The following EHD2 variants were observed in gnomAD, a reference collection of about 807,000 sequenced individuals.
EHD2 encodes EH domain containing 2.
Under a neutral mutation model 41.0 loss-of-function variants are expected in EHD2, and 27 were observed. The ratio of observed to expected loss-of-function variants is 0.66; its 90% CI spans 0.49 to 0.91. The LOEUF (loss-of-function observed/expected upper bound fraction) is 0.91, where lower values mean the gene tolerates loss of function less well. Among genes scored for constraint, EHD2 ranks in the 40% least tolerant of loss-of-function variants. The pLI is 0.00. For missense variants in EHD2, 673 were observed against 773.9 expected, an observed-to-expected ratio of 0.87 and a Z score of 1.55; for synonymous variants, 342 against 341.0, an observed-to-expected ratio of 1.00 and a Z score of -0.03.
chr19:47,731,891 C>G (rs1966879960), intron 4 of EHD2, among the ~76,000 whole-genome samples: 1 of 149,814 alleles, frequency 6.7e-6, no homozygotes, highest in Non-Finnish European at 1.5e-5. Context: ...GGGTTCACGC[C>G]ATTCTCCTGC....
Position 47,741,354 on chromosome 19 carries a change from A to T in EHD2, c.1554A>T (p.Glu518Asp). The T allele has an allele frequency of 1.9e-6, 3 of 1,610,384 alleles. No homozygotes were observed. Among genetic ancestry groups the T allele is most frequent in the Non-Finnish European group, 2.5e-6 (3 of 1,179,666 alleles). The part of the protein sequence containing the change: ...LASHLIEAKL[E>D]GHGLPANLPR... Reference sequence around the variant, plus strand: ...GCCACCTCATCGAGGCCAAGCTGGAAGGCCACGGGCTGCCCGCCAACCTGC... The same window carrying T: ...GCCACCTCATCGAGGCCAAGCTGGATGGCCACGGGCTGCCCGCCAACCTGC... Residue 518 changes from glutamate to aspartate, a missense_variant, in exon 6 of 6, where the codon GAA becomes GAT. Coordinates refer to ENST00000263277, the MANE Select transcript of EHD2 (RefSeq NM_014601.4). The surrounding 1 kb of genome is among the most constrained non-coding windows in gnomAD (Gnocchi z 4.5).
In EHD2 at chr19:47,742,164, CTTTTT is replaced by C; in HGVS notation, c.*734_*738del. ...CCTTCTTTTCTTTCCTTCCTTCCTT[CTTTTT>C]TGTTTTTGCCCCCAATTCTGCCCAT... On this transcript the variant is annotated 3_prime_UTR_variant, in exon 6 of 6. Coordinates refer to ENST00000263277, the MANE Select transcript of EHD2 (RefSeq NM_014601.4). 1 of 338,302 alleles carries C rather than the reference CTTTTT, an allele frequency of 3.0e-6. No individual in the cohort carries two copies. The highest frequency in any genetic ancestry group is 5.7e-6 in the Non-Finnish European group (1 of 174,578). The allele number at this position is 338,302 out of a possible 1,614,324, so 21.0% of individuals were successfully genotyped here.
In EHD2 at chr19:47,731,279, A is replaced by AAAATATAT; in HGVS notation, c.915+5056_915+5057insAATATATA. The AAAATATAT allele has an allele frequency of 4.2e-3, 257 of 60,920 alleles. 5 individuals carry two copies. Among genetic ancestry groups the AAAATATAT allele is most frequent in the African/African-American group, 0.012 (249 of 20,464 alleles). The allele number at this position is 60,920 out of a possible 1,614,324, so 3.8% of individuals were successfully genotyped here. On this transcript the variant is annotated intron_variant, in intron 4 of 5. Coordinates refer to ENST00000263277, the MANE Select transcript of EHD2 (RefSeq NM_014601.4). Reference sequence around the variant, plus strand: ...ATTTGTGATTCTTTAAAAAAAAAAAAATATATATATATATATATATATACA... The same window carrying AAAATATAT: ...ATTTGTGATTCTTTAAAAAAAAAAAAAAATATATATATATATATATATATATATATACA...
intron 4 of EHD2, among the ~76,000 whole-genome samples, chr19:47,734,996 G>A (rs1966906732): frequency 6.6e-6 from 1 of 152,126 alleles, no homozygotes; most frequent in African/African-American, 2.4e-5. Context: ...AGGTTGCAGT[G>A]AGACAAGGTT....
intron 1 of EHD2, 87 bp from the exon 2 acceptor site, chr19:47,716,471 T>C: frequency 1.1e-6 from 1 of 885,878 alleles, no homozygotes; most frequent in South Asian, 2.3e-5. Context: ...CCTCCACCCA[T>C]CCTGTCACCC....
chr19:47,736,740 TAG>T lies in EHD2; in HGVS notation c.1080+212_1080+213del, dbSNP rs936115157. On this transcript the variant is annotated intron_variant, in intron 5 of 5. Transcript: ENST00000263277. The stretch of plus-strand genomic sequence containing the variant: ...CAAAATAACAGTGGCTAAATTAAGA[TAG>T]AGAGTTTTTCTTTCTTTCCTCCATA... 2.6e-5 allele frequency among the ~76,000 whole-genome samples: 4 copies of T among 152,232 alleles called. No individual in the cohort carries two copies. The East Asian group carries it at 7.7e-4, about 29-fold the overall frequency.
chr19:47,720,985 C>T (rs1349810925), intron 3 of EHD2, among the ~76,000 whole-genome samples: 1 of 151,068 alleles, frequency 6.6e-6, no homozygotes, highest in African/African-American at 2.4e-5. Context: ...TGCATGTGTG[C>T]CTCTGTACCT....
At chr19:47,726,533 TCCTCCTCCTCCTCTTCTTCTC>T (rs1285622807) in intron 4 of EHD2, among the ~76,000 whole-genome samples, 1 of 121,524 alleles carries the variant, frequency 8.2e-6, no homozygotes, top group Non-Finnish European at 1.9e-5. Flanking sequence ...CTTCTCTCTT[TCCTCCTCCTCCTCTTCTTCTC>T]CCTCCTCCTC....
Position 47,718,535 on chromosome 19 carries a change from A to T in EHD2, c.431A>T (p.Gln144Leu). The change falls in exon 3 of 6, where the codon CAG (glutamine) becomes CTG (leucine). Residue 144 changes from glutamine (Q) to leucine (L), a missense_variant. By Grantham distance (113) the Gln-to-Leu change is moderately radical. Coordinates refer to ENST00000263277, the MANE Select transcript of EHD2 (RefSeq NM_014601.4). ...NRFMCAQLPN[Q>L]VLESISIIDT... is the part of the protein sequence containing the mutation. ...TTCATGTGTGCCCAGCTCCCTAATC[A>T]GGTCCTGGAGAGCATCAGCATCATC... 6.3e-7 allele frequency: 1 copy of T among 1,586,530 alleles called. No homozygotes were observed. The highest frequency in any genetic ancestry group is 8.6e-7 in the Non-Finnish European group (1 of 1,166,008).
intron 3 of EHD2, among the ~76,000 whole-genome samples, chr19:47,721,179 G>T (rs1319125875): frequency 6.6e-6 from 1 of 151,470 alleles, no homozygotes; most frequent in African/African-American, 2.4e-5. Flanking sequence ...GTGTGTGTGT[G>T]TGTGTGTGTG....
intron 4 of EHD2, 140 bp downstream of exon 4, chr19:47,726,364 A>C (rs1425468620): frequency 9.8e-7 from 1 of 1,017,714 alleles, no homozygotes; most frequent in Non-Finnish European, 1.4e-6. Flanking sequence ...CACAGAGTGA[A>C]GCCGGGAGGA....
At chr19:47,724,122 A>G (rs1973725859) in intron 3 of EHD2, among the ~76,000 whole-genome samples, 1 of 145,898 alleles carries the variant, frequency 6.9e-6, no homozygotes, top group East Asian at 2.0e-4. Flanking sequence ...TCTGTCGCCC[A>G]GACTGGAGTG....
At chr19:47,735,215 C>T (rs1966908880) in intron 4 of EHD2, among the ~76,000 whole-genome samples, 1 of 152,098 alleles carries the variant, frequency 6.6e-6, no homozygotes, top group African/African-American at 2.4e-5. Context: ...ATGGAGCTAT[C>T]CAGGAATGTT....
At chr19:47,725,686 G>C (rs751870288) in intron 3 of EHD2, 126 bp from the exon 4 acceptor site, 1 of 1,294,734 alleles carries the variant, frequency 7.7e-7, no homozygotes, top group East Asian at 2.5e-5. Context: ...ACAGGATTTG[G>C]ACAGCCAACA....
At chr19:47,723,505 C>T (rs1973718413) in intron 3 of EHD2, among the ~76,000 whole-genome samples, 1 of 151,762 alleles carries the variant, frequency 6.6e-6, no homozygotes, top group South Asian at 2.1e-4. Context: ...ACTAAAAATA[C>T]AGAAATTAGC....
At chr19:47,726,326 T>C in intron 4 of EHD2, 102 bp downstream of exon 4, 2 of 1,369,606 alleles carry the variant, frequency 1.5e-6, no homozygotes, top group South Asian at 3.4e-5. Flanking sequence ...CCAGGTTAGT[T>C]AGTTCTCTTG....
intron 3 of EHD2, among the ~76,000 whole-genome samples, chr19:47,723,781 G>C (rs1973722232): frequency 6.6e-6 from 1 of 151,670 alleles, no homozygotes; most frequent in Non-Finnish European, 1.5e-5. Context: ...GGGCTCAAGT[G>C]ATCCTCTTGC....
In EHD2 at chr19:47,726,213, C is replaced by T. The variant is rs1158781310; in HGVS notation, c.904C>T (p.Arg302Trp). 1.3e-6 allele frequency: 2 copies of T among 1,515,320 alleles called. No individual in the cohort carries two copies. The highest frequency in any genetic ancestry group is 8.8e-7 in the Non-Finnish European group (1 of 1,130,576). 93.9% of individuals were successfully genotyped at this position (1,515,320 alleles called of 1,614,324 possible). The change falls in exon 4 of 6, where the codon CGG becomes TGG. Residue 302 changes from arginine (R) to tryptophan (W), a missense_variant. Coordinates refer to ENST00000263277, the MANE Select transcript of EHD2 (RefSeq NM_014601.4). ...RKLNDLVKRA[R>W]LVRVHAYIIS... Reference sequence around the variant, plus strand: ...GCTCAACGACCTGGTGAAGAGGGCCCGGCTGGTGCGAGTGAGTAGTCCTGA... The same window carrying T: ...GCTCAACGACCTGGTGAAGAGGGCCTGGCTGGTGCGAGTGAGTAGTCCTGA...
intron 5 of EHD2, among the ~76,000 whole-genome samples, chr19:47,739,077 ACTTT>A (rs1220258011): frequency 6.6e-6 from 1 of 151,542 alleles, no homozygotes; most frequent in Non-Finnish European, 1.5e-5. Flanking sequence ...AGCTTTCTTA[ACTTT>A]CTTTTTTCTC....
Sources: gnomAD v4.1 joint callset for allele counts (sites outside exome capture counted in the v4.1 genomes callset) on GRCh38, gnomAD v4.1.1 for gene constraint, Gnocchi (gnomAD v3.1) non-coding constraint, MANE v1.5 for transcripts, NCBI Gene and HGNC (gene_info 2026-07-23, HGNC 2026-07-21) for gene names.